Variants in CELSR1 observed in about 807,000 individuals in gnomAD.
The protein encoded by CELSR1 is cadherin EGF LAG seven-pass G-type receptor 1, also known as adhesion G protein-coupled receptor C1.
Under a neutral mutation model 249.1 loss-of-function variants are expected in CELSR1, and 110 were observed. That is an observed-to-expected ratio of 0.44 (90% confidence interval 0.38 to 0.52). The LOEUF is 0.52. Ranked by LOEUF, CELSR1 falls within the 20% of genes least tolerant of loss-of-function variation. The pLI is 0.00. For synonymous variants in CELSR1, 2,113 were observed against 1,900.0 expected (o/e 1.11, Z -2.92); for missense variants, 4,109 against 4,296.4 (o/e 0.96, Z 1.22).
rs903172017 is a variant in CELSR1 at position 46,472,811 on chromosome 22, C to T, written c.3545-8466G>A. Among the ~76,000 whole-genome samples the T allele has an allele frequency of 5.9e-5, 9 of 152,260 alleles. No individual in the cohort carries two copies. The highest frequency in any genetic ancestry group is 5.8e-4 in the East Asian group (3 of 5,172). ...GGGCTGGGGGTCCAGCAGTCCTTGGCGTTGCTTGGCTCCTAGGTGCACCCC... is the reference window on the plus strand; with the variant it reads ...GGGCTGGGGGTCCAGCAGTCCTTGGTGTTGCTTGGCTCCTAGGTGCACCCC... On this transcript the variant is annotated intron_variant, in intron 1 of 34. Transcript: ENST00000674500. The surrounding 1 kb of genome is among the most constrained non-coding windows in gnomAD (Gnocchi z 7.0).
chr22:46,397,822 G>C lies in CELSR1; in HGVS notation c.5553C>G (p.Thr1851=), dbSNP rs1471902714. 1 of 1,586,688 alleles carries C rather than the reference G, an allele frequency of 6.3e-7. No homozygotes were observed. The highest frequency in any genetic ancestry group is 1.3e-5 in the African/African-American group (1 of 74,114). ...MQGVRMGGTP[T]NVATLNMNNA... is the part of the protein sequence containing the mutation. The stretch of plus-strand genomic sequence containing the variant: ...TGTTCATGTTCAGGGTGGCGACGTT[G>C]GTGGGCGTCCCCCCCATCCTCACTC... The change falls in exon 12 of 35, where the codon ACC becomes ACG. Residue 1851 remains threonine (T), a synonymous_variant. Coordinates refer to ENST00000674500, the MANE Select transcript of CELSR1 (RefSeq NM_001378328.1).
In CELSR1 at chr22:46,438,410, C is replaced by T. The variant is rs536123690; in HGVS notation, c.4406+779G>A. ...TCTCAGAGGCTCAAGAGGGCCCTGCCCACAGCCCCCACTGCTCCCAAAGTG... is the reference window on the plus strand; with the variant it reads ...TCTCAGAGGCTCAAGAGGGCCCTGCTCACAGCCCCCACTGCTCCCAAAGTG... On this transcript the variant is annotated intron_variant, in intron 3 of 34. Coordinates refer to ENST00000674500, the MANE Select transcript of CELSR1 (RefSeq NM_001378328.1). Among the ~76,000 whole-genome samples, 6 of 152,310 alleles carry T rather than the reference C, an allele frequency of 3.9e-5. No homozygotes were observed. In the South Asian group the frequency reaches 1.0e-3, roughly 26 times the overall value.
chr22:46,430,466 C>A lies in CELSR1; in HGVS notation c.4611+2927G>T, dbSNP rs966571588. On this transcript the variant is annotated intron_variant, in intron 5 of 34. Coordinates refer to ENST00000674500, the MANE Select transcript of CELSR1 (RefSeq NM_001378328.1). The surrounding 1 kb of genome is among the most constrained non-coding windows in gnomAD (Gnocchi z 4.6). ...GTTCCCTCGGCAGTGTCACCCACCA[C>A]CCTCAAGATCACCCTTGCAGCCCCA... Among the ~76,000 whole-genome samples the A allele has an allele frequency of 3.3e-5, 5 of 152,196 alleles. No homozygotes were observed. Among genetic ancestry groups the A allele is most frequent in the Admixed American group, 1.3e-4 (2 of 15,300 alleles).
At chr22:46,405,994 A>G (rs748468029) in intron 9 of CELSR1, among the ~76,000 whole-genome samples, 2 of 152,190 alleles carry the variant, frequency 1.3e-5, no homozygotes, top group African/African-American at 4.8e-5. Context: ...AGACTTCCAC[A>G]GGGAGGGCTG....
chr22:46,383,363 TA>T (rs2078999428), intron 20 of CELSR1, among the ~76,000 whole-genome samples: 1 of 152,228 alleles, frequency 6.6e-6, no homozygotes, highest in Non-Finnish European at 1.5e-5. Flanking sequence ...CATGGATCTG[TA>T]AAAAAGCACC....
At chr22:46,511,638 C>T (rs1197732421) in intron 1 of CELSR1, among the ~76,000 whole-genome samples, 3 of 152,232 alleles carry the variant, frequency 2.0e-5, no homozygotes, top group Admixed American at 6.5e-5. Flanking sequence ...GTGGGGCTGA[C>T]AGCGCCAACA....
chr22:46,491,834 A>T (rs1470158817), intron 1 of CELSR1, among the ~76,000 whole-genome samples: 1 of 151,860 alleles, frequency 6.6e-6, no homozygotes, highest in Non-Finnish European at 1.5e-5. Context: ...ACGGGGTTTC[A>T]CCATGTTGGC....
chr22:46,516,976 T>G lies in CELSR1; in HGVS notation c.3544+16651A>C, dbSNP rs143706357. On this transcript the variant is annotated intron_variant, in intron 1 of 34. Transcript: ENST00000674500. ...CTGGCAAAGCCATGGGATGCCCTTTTCGTGTTTTAAAGCAAAGGAACCTTT... is the reference window on the plus strand; with the variant it reads ...CTGGCAAAGCCATGGGATGCCCTTTGCGTGTTTTAAAGCAAAGGAACCTTT... Among the ~76,000 whole-genome samples the G allele has an allele frequency of 5.6e-4, 86 of 152,322 alleles. 2 individuals are homozygous for G. In the East Asian group the frequency reaches 0.011, roughly 19 times the overall value.
intron 19 of CELSR1, among the ~76,000 whole-genome samples, chr22:46,385,674 ATTTTTTTT>A (rs747955777): frequency 1.5e-5 from 2 of 132,240 alleles, no homozygotes; most frequent in Non-Finnish European, 3.2e-5. Flanking sequence ...CCTGCCGAAT[ATTTTTTTT>A]TTTTTTTTTT....
intron 1 of CELSR1, among the ~76,000 whole-genome samples, chr22:46,524,248 G>T (rs1279848906): frequency 6.6e-6 from 1 of 152,228 alleles, no homozygotes; most frequent in African/African-American, 2.4e-5. Flanking sequence ...AGACTGAACA[G>T]GCACCGCGGT....
At chr22:46,482,583 C>T (rs1377596548) in intron 1 of CELSR1, among the ~76,000 whole-genome samples, 2 of 151,964 alleles carry the variant, frequency 1.3e-5, no homozygotes, top group South Asian at 4.2e-4. Context: ...AGTGGGATTG[C>T]ATATGCCTGT....
At chr22:46,383,408 A>G (rs1304628970) in intron 20 of CELSR1, among the ~76,000 whole-genome samples, 4 of 152,248 alleles carry the variant, frequency 2.6e-5, no homozygotes, top group Admixed American at 1.3e-4. Context: ...ACTGTTTTGA[A>G]TCATAATCTC....
At chr22:46,443,661 AC>A (rs2079782004) in intron 2 of CELSR1, among the ~76,000 whole-genome samples, 1 of 50,802 alleles carries the variant, frequency 2.0e-5, no homozygotes, top group South Asian at 5.1e-4. Context: ...ACACCTGTTC[AC>A]ACACACACAC....
Position 46,536,588 on chromosome 22 carries a change from G to A in CELSR1, c.583C>T (p.Arg195Trp). 2 of 1,204,342 alleles carry A rather than the reference G, an allele frequency of 1.7e-6. No individual in the cohort carries two copies. Among genetic ancestry groups the A allele is most frequent in the Non-Finnish European group, 2.1e-6 (2 of 973,078 alleles). The allele number at this position is 1,204,342 out of a possible 1,614,324, so 74.6% of individuals were successfully genotyped here. A position where few individuals can be genotyped will look rare whatever the true frequency, so the allele number is the denominator to read the frequency against. ...GCGGCCTCCAGCGCCAGTCCCACCCGGACGGCGCCAGCCGCGCGCCGCAGG... is the reference window on the plus strand; with the variant it reads ...GCGGCCTCCAGCGCCAGTCCCACCCAGACGGCGCCAGCCGCGCGCCGCAGG... ...CALRRAAGAV[R>W]VGLALEAATA... Residue 195 changes from arginine (R) to tryptophan (W), a missense_variant, in exon 1 of 35, where the codon CGG (arginine) becomes TGG (tryptophan). Coordinates refer to ENST00000674500, the MANE Select transcript of CELSR1 (RefSeq NM_001378328.1).
chr22:46,391,920 T>C lies in CELSR1; in HGVS notation c.5965-104A>G. On this transcript the variant is annotated intron_variant, in intron 14 of 34. Coordinates refer to ENST00000674500, the MANE Select transcript of CELSR1 (RefSeq NM_001378328.1). The surrounding 1 kb of genome is among the most constrained non-coding windows in gnomAD (Gnocchi z 4.3). ...GTCCAGACTCCCACCCGGGTGTGTG[T>C]GTTGGCCGCCAGCCATCCCACCCCT... 1 of 1,249,522 alleles carries C rather than the reference T, an allele frequency of 8.0e-7. No individual in the cohort carries two copies. The highest frequency in any genetic ancestry group is 2.6e-5 in the East Asian group (1 of 38,834). The allele number at this position is 1,249,522 out of a possible 1,614,324, so 77.4% of individuals were successfully genotyped here.
At chr22:46,424,831 G>A (rs2079519255) in intron 5 of CELSR1, among the ~76,000 whole-genome samples, 1 of 152,200 alleles carries the variant, frequency 6.6e-6, no homozygotes. Context: ...AATTAGCCGA[G>A]CATGGTGGTG....
rs1186645776 is a variant in CELSR1 at position 46,433,343 on chromosome 22, C to A, written c.4611+50G>T. On this transcript the variant is annotated intron_variant, in intron 5 of 34. Transcript: ENST00000674500. The surrounding 1 kb of genome is among the most constrained non-coding windows in gnomAD (Gnocchi z 5.7). ...AGCCACTGCGCCTCGCCCCAGGGCA[C>A]CTTCTCGAGCCGCCCTGGGGCCAGG... 2.7e-6 allele frequency: 4 copies of A among 1,476,096 alleles called. No individual in the cohort carries two copies. The highest frequency in any genetic ancestry group is 3.8e-6 in the Non-Finnish European group (4 of 1,065,728). The allele number at this position is 1,476,096 out of a possible 1,614,324, so 91.4% of individuals were successfully genotyped here.
In CELSR1 at chr22:46,464,301, T is replaced by C. The variant is rs753623968; in HGVS notation, c.3589A>G (p.Ile1197Val). 1 of 1,613,384 alleles carries C rather than the reference T, an allele frequency of 6.2e-7. No homozygotes were observed. The highest frequency in any genetic ancestry group is 1.1e-5 in the South Asian group (1 of 91,082). ...TTGGTCAGCATGTCGTCCGTGATGA[T>C]GGTGACACGCAGGGTGCAGAAGGCC... ...VTAFCTLRVT[I>V]ITDDMLTNSI... The change falls in exon 2 of 35, where the codon ATC becomes GTC. Residue 1197 changes from isoleucine to valine, a missense_variant. Transcript: ENST00000674500. The surrounding 1 kb of genome is among the most constrained non-coding windows in gnomAD (Gnocchi z 8.5).
chr22:46,472,531 T>C lies in CELSR1; in HGVS notation c.3545-8186A>G, dbSNP rs116668808. Among the ~76,000 whole-genome samples, 1,305 of 152,068 alleles carry C rather than the reference T, an allele frequency of 8.6e-3. 17 individuals are homozygous for C. The highest frequency in any genetic ancestry group is 0.03 in the African/African-American group (1,240 of 41,464). On this transcript the variant is annotated intron_variant, in intron 1 of 34. Transcript: ENST00000674500. The surrounding 1 kb of genome is among the most constrained non-coding windows in gnomAD (Gnocchi z 7.0). ...AGGGGAGTAGGTTTCCTGGGAAGAA[T>C]GGAGTTTGCCACACAAAGTGAAGGG... is the stretch of plus-strand genomic sequence containing the variant.
Sources: allele counts gnomAD v4.1 joint callset (sites outside exome capture counted in the v4.1 genomes callset), GRCh38; gene constraint gnomAD v4.1.1; non-coding constraint Gnocchi (gnomAD v3.1); transcripts MANE v1.5; gene names NCBI Gene and HGNC (gene_info 2026-07-23, HGNC 2026-07-21).